DOCK4: variants seen among roughly 807,000 people sequenced by gnomAD.
DOCK4 encodes the protein dedicator of cytokinesis 4.
A neutral mutation model predicts 268.1 loss-of-function variants in DOCK4; 97 were observed. The observed-to-expected ratio is 0.36, with a 90% CI of 0.31 to 0.43. DOCK4 has a LOEUF of 0.43. DOCK4 is among the 20% of genes least tolerant of loss of function. DOCK4 has a pLI of 1.00. For missense variants in DOCK4, 2,145 were observed against 2,455.7 expected (o/e 0.87, Z 2.67); for synonymous variants, 954 against 887.2 (o/e 1.08, Z -1.34).
chr7:111,895,435 G>C (rs78847310), intron 16 of DOCK4, among the ~76,000 whole-genome samples, 177 bp downstream of exon 16: 2,567 of 152,240 alleles, frequency 0.017, 73 homozygotes, highest in African/African-American at 0.055. Flanking sequence ...TCTAAAATAT[G>C]TTCTAAAATA....
intron 30 of DOCK4, among the ~76,000 whole-genome samples, chr7:111,792,993 T>C (rs1283929631): frequency 6.6e-6 from 1 of 152,366 alleles, no homozygotes; most frequent in East Asian, 1.9e-4. Context: ...CAATGACTTC[T>C]GGACAATCAG....
chr7:112,205,473 T>C (rs1821319275), intron 1 of DOCK4, among the ~76,000 whole-genome samples: 1 of 151,940 alleles, frequency 6.6e-6, no homozygotes, highest in Non-Finnish European at 1.5e-5. Flanking sequence ...AATTTACCAA[T>C]GCCCCCGCCC....
intron 1 of DOCK4, among the ~76,000 whole-genome samples, chr7:112,059,015 G>A (rs1806111849): frequency 6.6e-6 from 1 of 151,866 alleles, no homozygotes; most frequent in Non-Finnish European, 1.5e-5. Flanking sequence ...AATTTGCAGA[G>A]ATTCAGGAAG....
chr7:111,747,252 A>G lies in DOCK4; in HGVS notation c.4593+15T>C. The G allele has an allele frequency of 6.3e-7, 1 of 1,600,000 alleles. No individual in the cohort carries two copies. The highest frequency in any genetic ancestry group is 8.5e-7 in the Non-Finnish European group (1 of 1,173,748). ...ATTGAAAACTTTCTCTGAAACAACA[A>G]TACCTAATCCTTACCTCTTGATACC... is the stretch of plus-strand genomic sequence containing the variant. On this transcript the variant is annotated intron_variant, in intron 43 of 52. Coordinates refer to ENST00000428084, the MANE Select transcript of DOCK4 (RefSeq NM_001363540.2).
chr7:111,933,324 C>A (rs1376918430), intron 12 of DOCK4, among the ~76,000 whole-genome samples: 1 of 125,092 alleles, frequency 8.0e-6, no homozygotes, highest in Non-Finnish European at 1.6e-5. Context: ...GAGATGGAGT[C>A]TCTCTCTGTC....
At chr7:112,120,704 A>G (rs1563104392) in intron 1 of DOCK4, among the ~76,000 whole-genome samples, 1 of 152,212 alleles carries the variant, frequency 6.6e-6, no homozygotes, top group African/African-American at 2.4e-5. Flanking sequence ...AAGAGCAAAT[A>G]CTATATTATA....
At chr7:111,865,713 T>G (rs888713847) in intron 22 of DOCK4, among the ~76,000 whole-genome samples, 15 of 152,206 alleles carry the variant, frequency 9.9e-5, no homozygotes, top group African/African-American at 3.1e-4. Context: ...CCCAATCACA[T>G]GAGCTCTTAA....
At chr7:112,032,844 C>G (rs529450564) in intron 1 of DOCK4, among the ~76,000 whole-genome samples, 1 of 151,936 alleles carries the variant, frequency 6.6e-6, no homozygotes, top group South Asian at 2.1e-4. Flanking sequence ...GAATAATTTT[C>G]TCTAATATAT....
chr7:112,034,116 G>C (rs748460362), intron 1 of DOCK4, among the ~76,000 whole-genome samples: 1 of 152,170 alleles, frequency 6.6e-6, no homozygotes, highest in Non-Finnish European at 1.5e-5. Flanking sequence ...GATGGAAGGA[G>C]AAAGAGATGA....
At chr7:111,738,502 G>T (rs909236232) in intron 49 of DOCK4, among the ~76,000 whole-genome samples, 1 of 152,196 alleles carries the variant, frequency 6.6e-6, no homozygotes, top group African/African-American at 2.4e-5. Flanking sequence ...TACATACACA[G>T]GGCATGCAAA....
intron 8 of DOCK4, among the ~76,000 whole-genome samples, chr7:111,969,318 C>G (rs545919590): frequency 6.7e-6 from 1 of 149,684 alleles, no homozygotes; most frequent in Admixed American, 6.6e-5. Flanking sequence ...TGAAAGATTT[C>G]TAAATCTACA....
At chr7:112,088,977 T>G (rs980004810) in intron 1 of DOCK4, among the ~76,000 whole-genome samples, 2 of 152,112 alleles carry the variant, frequency 1.3e-5, no homozygotes, top group African/African-American at 4.8e-5. Flanking sequence ...TTATATGTTG[T>G]CAACGTAAAA....
At chr7:111,769,710 C>G (rs1585929334) in intron 36 of DOCK4, 33 bp from the exon 37 acceptor site, 3 of 1,597,432 alleles carry the variant, frequency 1.9e-6, no homozygotes, top group African/African-American at 2.7e-5. Context: ...ATGATTGAGA[C>G]AGGACCCCAA....
chr7:112,147,672 A>T (rs1278004494), intron 1 of DOCK4, among the ~76,000 whole-genome samples: 2 of 152,106 alleles, frequency 1.3e-5, no homozygotes, highest in Non-Finnish European at 2.9e-5. Context: ...CACAAAAATA[A>T]GGCGGTTATC....
chr7:111,927,055 T>A (rs1229510784), intron 12 of DOCK4, among the ~76,000 whole-genome samples: 1 of 152,170 alleles, frequency 6.6e-6, no homozygotes, highest in Non-Finnish European at 1.5e-5. Context: ...TAAACTAAGT[T>A]AAGTCTTAAA....
At chr7:111,946,837 C>A (rs543613221) in intron 8 of DOCK4, among the ~76,000 whole-genome samples, 7 of 152,294 alleles carry the variant, frequency 4.6e-5, no homozygotes, top group African/African-American at 1.7e-4. Flanking sequence ...CTGCTTCGGC[C>A]TCCCGATATG....
chr7:111,863,140 T>G, intron 23 of DOCK4: 4 of 516,410 alleles, frequency 7.7e-6, no homozygotes, highest in Non-Finnish European at 1.4e-5. Flanking sequence ...TAAATCCCAT[T>G]AAACATAAAA....
rs150619522 is a variant in DOCK4 at position 112,031,660 on chromosome 7, A to G, written c.38-27529T>C. Among the ~76,000 whole-genome samples the G allele has an allele frequency of 5.7e-4, 87 of 152,232 alleles. 1 individual carries two copies. In the East Asian group the frequency reaches 0.014, roughly 25 times the overall value. On this transcript the variant is annotated intron_variant, in intron 1 of 52. Transcript: ENST00000428084. ...TGCAATTCATCAACTGGCTTTTTTG[A>G]AAGAGAATTTGCTATGTGTATTTCA...
intron 42 of DOCK4, among the ~76,000 whole-genome samples, chr7:111,751,567 C>T (rs2133516777): frequency 6.6e-6 from 1 of 152,120 alleles, no homozygotes; most frequent in African/African-American, 2.4e-5. Flanking sequence ...GCTTCAGCCT[C>T]CTGAGAAGCT....
Sources: gnomAD v4.1 joint callset for allele counts (sites outside exome capture counted in the v4.1 genomes callset) on GRCh38, gnomAD v4.1.1 for gene constraint, MANE v1.5 for transcripts, NCBI Gene and HGNC (gene_info 2026-07-23, HGNC 2026-07-21) for gene names.